UBE2O: variants seen among roughly 807,000 people sequenced by gnomAD.
The protein encoded by UBE2O is ubiquitin conjugating enzyme E2 O.
A neutral mutation model predicts 125.8 loss-of-function variants in UBE2O; 15 were observed. The observed-to-expected ratio is 0.12, with a 90% CI of 0.08 to 0.18. The LOEUF (loss-of-function observed/expected upper bound fraction) is 0.18. Ranked by LOEUF, UBE2O falls within the 10% of genes least tolerant of loss-of-function variation. UBE2O has a pLI of 1.00. For synonymous variants in UBE2O, 708 were observed against 703.2 expected (o/e 1.01, Z -0.11); for missense variants, 1,280 against 1,723.6 (o/e 0.74, Z 4.56).
In UBE2O at chr17:76,396,503, G is replaced by A. The variant is rs749448510; in HGVS notation, c.2434C>T (p.Arg812Trp). The change falls in exon 14 of 18, where the codon CGG (arginine) becomes TGG (tryptophan). Residue 812 changes from arginine to tryptophan, a missense_variant. Physicochemically the swap from Arg to Trp is moderately radical, Grantham distance 101. Around this residue, in one of 10 missense-constraint regions of UBE2O, gnomAD observed 210 missense variants for 268.9 expected, o/e 0.78. Coordinates refer to ENST00000319380, the MANE Select transcript of UBE2O (RefSeq NM_022066.4). The surrounding 1 kb of genome is among the most constrained non-coding windows in gnomAD (Gnocchi z 6.7). ...AGKDGPPKSF[R>W]ELKEAIKILE... is the part of the protein sequence containing the mutation. ...ATCTTGATGGCCTCTTTCAACTCCC[G>A]GAAGCTCTTGGGTGGCCCGTCCTTG... is the stretch of plus-strand genomic sequence containing the variant. 6.8e-6 allele frequency: 11 copies of A among 1,613,682 alleles called. No individual in the cohort carries two copies. The highest frequency in any genetic ancestry group is 2.7e-5 in the African/African-American group (2 of 74,860).
rs771268919 is a variant in UBE2O, at chr17:76,398,798, C to G, written c.1783+39G>C. The stretch of plus-strand genomic sequence containing the variant: ...AAGCCCCAACCCGGGCCCTCATTGG[C>G]GACCACCCTGCTGGCTGCCCTTCCA... On this transcript the variant is annotated intron_variant, in intron 10 of 17. Transcript: ENST00000319380. This position sits in a 1 kb window ranked among gnomAD's most constrained non-coding sequence, Gnocchi z 5.4. The G allele has an allele frequency of 6.2e-7, 1 of 1,602,232 alleles. No homozygotes were observed. Among genetic ancestry groups the G allele is most frequent in the Admixed American group, 1.7e-5 (1 of 59,364 alleles).
chr17:76,402,444 A>G lies in UBE2O; in HGVS notation c.686+158T>C, dbSNP rs369700634. On this transcript the variant is annotated intron_variant, in intron 4 of 17. Coordinates refer to ENST00000319380, the MANE Select transcript of UBE2O (RefSeq NM_022066.4). This position sits in a 1 kb window ranked among gnomAD's most constrained non-coding sequence, Gnocchi z 5.4. ...CAGAAATAGGCCACGGCAGATAAGG[A>G]GAACGGTACAGGGTTAGGCCCTGGA... 6.6e-6 allele frequency among the ~76,000 whole-genome samples: 1 copy of G among 152,144 alleles called. No individual in the cohort carries two copies. Among genetic ancestry groups the G allele is most frequent in the African/African-American group, 2.4e-5 (1 of 41,432 alleles).
intron 1 of UBE2O, among the ~76,000 whole-genome samples, chr17:76,440,851 T>G (rs1054890907): frequency 6.6e-6 from 1 of 152,242 alleles, no homozygotes; most frequent in Admixed American, 6.5e-5. Context: ...CAGTATAGCC[T>G]GCAACACTAG....
At chr17:76,435,011 T>C (rs2072966144) in intron 1 of UBE2O, among the ~76,000 whole-genome samples, 1 of 152,060 alleles carries the variant, frequency 6.6e-6, no homozygotes, top group South Asian at 2.1e-4. Flanking sequence ...AGTGGCACAC[T>C]AGGCTGGATT....
In UBE2O at chr17:76,391,597, A is replaced by T; in HGVS notation, c.3225T>A (p.Asn1075Lys). The T allele has an allele frequency of 1.2e-6, 2 of 1,613,246 alleles. No homozygotes were observed. Among genetic ancestry groups the T allele is most frequent in the Non-Finnish European group, 1.7e-6 (2 of 1,179,444 alleles). Residue 1075 changes from asparagine to lysine, a missense_variant, in exon 18 of 18, where the codon AAT becomes AAA. This residue lies in a region of UBE2O where 37 missense variants were observed against 115.6 expected (regional missense o/e 0.32). Coordinates refer to ENST00000319380, the MANE Select transcript of UBE2O (RefSeq NM_022066.4). This position sits in a 1 kb window ranked among gnomAD's most constrained non-coding sequence, Gnocchi z 8.4. ...AGCCGGCTTCGTTGTAGTATGGTTC[A>T]TTTACCAGGATCAGACCTGTGTGGG... ...LISIQGLILV[N>K]EPYYNEAGFD... is the part of the protein sequence containing the mutation.
intron 1 of UBE2O, among the ~76,000 whole-genome samples, chr17:76,449,569 T>C (rs1315232874): frequency 2.0e-5 from 3 of 150,670 alleles, no homozygotes; most frequent in African/African-American, 7.3e-5. Context: ...AGAGAGACTC[T>C]GTTTAAAAAA....
chr17:76,394,673 G>T (rs1467222140), intron 15 of UBE2O, among the ~76,000 whole-genome samples: 1 of 151,956 alleles, frequency 6.6e-6, no homozygotes, highest in Non-Finnish European at 1.5e-5. Flanking sequence ...TAAAAAAAAG[G>T]TCATCCGTTT....
intron 1 of UBE2O, among the ~76,000 whole-genome samples, chr17:76,437,429 G>A (rs1267633773): frequency 1.4e-4 from 19 of 136,260 alleles, no homozygotes; most frequent in African/African-American, 5.3e-4. Flanking sequence ...CAGCCTGGGC[G>A]ACAGAGCGAG....
At chr17:76,422,054 G>A (rs1004018395) in intron 1 of UBE2O, among the ~76,000 whole-genome samples, 2 of 152,226 alleles carry the variant, frequency 1.3e-5, no homozygotes, top group African/African-American at 2.4e-5. Flanking sequence ...GGACAACCAA[G>A]CCACAGGAGG....
At chr17:76,414,902 C>T (rs2072575040) in intron 1 of UBE2O, among the ~76,000 whole-genome samples, 1 of 152,184 alleles carries the variant, frequency 6.6e-6, no homozygotes, top group Non-Finnish European at 1.5e-5. Context: ...CAAGAACAGC[C>T]CAGGCCTGGC....
intron 15 of UBE2O, among the ~76,000 whole-genome samples, 171 bp from the exon 16 acceptor site, chr17:76,392,284 A>G (rs964535769): frequency 1.3e-5 from 2 of 151,742 alleles, no homozygotes; most frequent in Non-Finnish European, 2.9e-5. Context: ...CTAAGGACAA[A>G]TCTCTCTCTG....
chr17:76,451,025 C>T lies in UBE2O; in HGVS notation c.417+1700G>A, dbSNP rs570045700. Among the ~76,000 whole-genome samples, 50 of 152,302 alleles carry T rather than the reference C, an allele frequency of 3.3e-4. 1 individual carries two copies. In the South Asian group the frequency reaches 9.7e-3, roughly 30 times the overall value. On this transcript the variant is annotated intron_variant, in intron 1 of 17. Transcript: ENST00000319380. ...CATAACTGCAAACAAAGTTAACCAC[C>T]AAAGTCAAGACGGACGGGAACAACA...
At chr17:76,430,887 A>C (rs1017713404) in intron 1 of UBE2O, 12 of 415,302 alleles carry the variant, frequency 2.9e-5, no homozygotes, top group African/African-American at 2.1e-4. Context: ...GGCACAAAAA[A>C]GTTGCCAGCT....
intron 1 of UBE2O, among the ~76,000 whole-genome samples, chr17:76,447,041 A>C (rs537219903): frequency 6.6e-6 from 1 of 152,268 alleles, no homozygotes; most frequent in South Asian, 2.1e-4. Context: ...CTGCCTGCCC[A>C]CTGGCACAAC....
intron 1 of UBE2O, among the ~76,000 whole-genome samples, chr17:76,448,661 T>C (rs2143926217): frequency 6.6e-6 from 1 of 152,348 alleles, no homozygotes; most frequent in East Asian, 1.9e-4. Flanking sequence ...AGCTAAAGCA[T>C]AAACGCTTTG....
At chr17:76,441,334 A>C (rs564360475) in intron 1 of UBE2O, among the ~76,000 whole-genome samples, 1 of 152,348 alleles carries the variant, frequency 6.6e-6, no homozygotes, top group South Asian at 2.1e-4. Context: ...ACTTCTTAGC[A>C]ACAGCAGTGC....
intron 1 of UBE2O, among the ~76,000 whole-genome samples, chr17:76,444,701 C>G (rs2073126707): frequency 1.3e-5 from 2 of 152,184 alleles, no homozygotes; most frequent in Non-Finnish European, 2.9e-5. Flanking sequence ...AGGCAGACAT[C>G]CATTTCCCCC....
chr17:76,399,026 C>A lies in UBE2O; in HGVS notation c.1629-35G>T. ...CAGGCCAGTCAGCAGGCCATGCAAA[C>A]CCCACCCCCTCCGCGGAAAGGGCAG... On this transcript the variant is annotated intron_variant, in intron 9 of 17. Coordinates refer to ENST00000319380, the MANE Select transcript of UBE2O (RefSeq NM_022066.4). This position sits in a 1 kb window ranked among gnomAD's most constrained non-coding sequence, Gnocchi z 6.9. 6.2e-7 allele frequency: 1 copy of A among 1,608,034 alleles called. No homozygotes were observed. Among genetic ancestry groups the A allele is most frequent in the African/African-American group, 1.3e-5 (1 of 74,980 alleles).
In UBE2O at chr17:76,400,892, G is replaced by T; in HGVS notation, c.894+119C>A. 1 of 1,245,962 alleles carries T rather than the reference G, an allele frequency of 8.0e-7. No individual in the cohort carries two copies. Among genetic ancestry groups the T allele is most frequent in the Non-Finnish European group, 1.1e-6 (1 of 906,668 alleles). 77.2% of individuals were successfully genotyped at this position (1,245,962 alleles called of 1,614,324 possible). A position where few individuals can be genotyped will look rare whatever the true frequency, so the allele number is the denominator to read the frequency against. On this transcript the variant is annotated intron_variant, in intron 6 of 17. Coordinates refer to ENST00000319380, the MANE Select transcript of UBE2O (RefSeq NM_022066.4). The surrounding 1 kb of genome is among the most constrained non-coding windows in gnomAD (Gnocchi z 4.3). ...TCCCCAAAGCCCTTTGAGATCAACA[G>T]GGTCCAGATGCTGAGGAGCGGGGCT...
Sources: allele counts gnomAD v4.1 joint callset (sites outside exome capture counted in the v4.1 genomes callset), GRCh38; gene constraint gnomAD v4.1.1; regional missense constraint gnomAD v4.1.1; non-coding constraint Gnocchi (gnomAD v3.1); transcripts MANE v1.5; gene names NCBI Gene and HGNC (gene_info 2026-07-23, HGNC 2026-07-21).